Variants in MAP7 observed in about 807,000 individuals in gnomAD.
MAP7 encodes the protein microtubule associated protein 7.
In MAP7, 52 loss-of-function variants were observed where a neutral mutation model predicts 94.8. That is an observed-to-expected ratio of 0.55 (90% confidence interval 0.44 to 0.69). The LOEUF is 0.69. MAP7 is among the 30% of genes least tolerant of loss of function. The pLI, the probability that MAP7 is intolerant of heterozygous loss-of-function variation, is 0.00. For missense variants in MAP7, 940 were observed against 964.6 expected (o/e 0.97, Z 0.34); for synonymous variants, 350 against 357.0 (o/e 0.98, Z 0.22).
intron 1 of MAP7, among the ~76,000 whole-genome samples, chr6:136,426,279 T>C (rs192793120): frequency 5.5e-4 from 84 of 152,284 alleles, no homozygotes; most frequent in African/African-American, 1.9e-3. Flanking sequence ...GCCTCAGAAA[T>C]GTTAAGTAAT....
At chr6:136,396,405 T>C (rs1782481966) in intron 3 of MAP7, among the ~76,000 whole-genome samples, 1 of 152,196 alleles carries the variant, frequency 6.6e-6, no homozygotes, top group South Asian at 2.1e-4. Context: ...GTTAATTTTG[T>C]ACCTTGCAAT....
intron 1 of MAP7, among the ~76,000 whole-genome samples, chr6:136,483,129 CAAA>C (rs57320038): frequency 3.6e-5 from 3 of 83,130 alleles, no homozygotes; most frequent in African/African-American, 3.7e-5. Context: ...AAGTATCTTT[CAAA>C]AAAAAAAAAA....
intron 8 of MAP7, 96 bp downstream of exon 8, chr6:136,372,405 C>G (rs1434185460): frequency 7.0e-7 from 1 of 1,427,354 alleles, no homozygotes; most frequent in African/African-American, 1.4e-5. Context: ...CGGTCTCCCC[C>G]TCTTACGCCC....
At chr6:136,492,319 A>G (rs1178395609) in intron 1 of MAP7, among the ~76,000 whole-genome samples, 1 of 152,250 alleles carries the variant, frequency 6.6e-6, no homozygotes, top group Non-Finnish European at 1.5e-5. Flanking sequence ...TAAGCCGGGA[A>G]GTACACCTAG....
rs562463253 is a variant in MAP7 at position 136,457,045 on chromosome 6, T to C, written c.68-35246A>G. Reference sequence around the variant, plus strand: ...CAAAGTTTTTTTTTTAAAGACAAAATTGACAAACCTTTAGCTAAACTAAAA... The same window carrying C: ...CAAAGTTTTTTTTTTAAAGACAAAACTGACAAACCTTTAGCTAAACTAAAA... On this transcript the variant is annotated intron_variant, in intron 1 of 17. Coordinates refer to ENST00000354570, the MANE Select transcript of MAP7 (RefSeq NM_003980.6). 6.5e-4 allele frequency among the ~76,000 whole-genome samples: 91 copies of C among 139,728 alleles called. 1 individual carries two copies. The East Asian group carries it at 0.019, about 29-fold the overall frequency. 91.7% of individuals were successfully genotyped at this position (139,728 alleles called of 152,430 possible).
intron 15 of MAP7, among the ~76,000 whole-genome samples, chr6:136,358,205 T>C (rs533110403): frequency 1.2e-4 from 18 of 152,314 alleles, no homozygotes; most frequent in South Asian, 8.3e-4. Context: ...GATTGATTTA[T>C]AAAGAATACT....
intron 10 of MAP7, chr6:136,364,501 T>TA (rs1341185194): frequency 1.1e-4 from 26 of 243,128 alleles, no homozygotes; most frequent in South Asian, 2.8e-4. Context: ...GCTGAACTCT[T>TA]AAAAAAAATT....
At chr6:136,424,400 T>G (rs1435011571) in intron 1 of MAP7, among the ~76,000 whole-genome samples, 1 of 152,130 alleles carries the variant, frequency 6.6e-6, no homozygotes, top group Admixed American at 6.5e-5. Context: ...TTATGAAATC[T>G]TTATTGATTA....
chr6:136,473,751 A>G (rs1809871046), intron 1 of MAP7, among the ~76,000 whole-genome samples: 2 of 152,196 alleles, frequency 1.3e-5, no homozygotes, highest in South Asian at 2.1e-4. Context: ...ATCTTTGGTT[A>G]CGAACATTTA....
At chr6:136,512,998 G>GGTTTTGTTTT (rs111786683) in intron 1 of MAP7, among the ~76,000 whole-genome samples, 7,928 of 151,320 alleles carry the variant, frequency 0.052, 526 homozygotes, top group African/African-American at 0.14. Flanking sequence ...CACCAAGCTA[G>GGTTTTGTTTT]GTTTTGTTTT....
intron 7 of MAP7, among the ~76,000 whole-genome samples, chr6:136,375,569 T>C (rs1451113844): frequency 2.0e-5 from 3 of 151,964 alleles, no homozygotes; most frequent in Non-Finnish European, 2.9e-5. Context: ...AGATGAAAAA[T>C]AAAAATGATG....
chr6:136,525,786 CAA>C, intron 1 of MAP7: 1 of 1,515,230 alleles, frequency 6.6e-7, no homozygotes. Flanking sequence ...GTGTGGGAGA[CAA>C]GGGCTGGATC....
intron 2 of MAP7, among the ~76,000 whole-genome samples, chr6:136,414,252 C>CAAAAA (rs559869492): frequency 0.015 from 240 of 15,938 alleles, 64 homozygotes; most frequent in Non-Finnish European, 0.028. Context: ...GACTCCGTCT[C>CAAAAA]AAAAAAAAAA....
chr6:136,438,093 C>T (rs1796852086), intron 1 of MAP7, among the ~76,000 whole-genome samples: 1 of 152,108 alleles, frequency 6.6e-6, no homozygotes. Context: ...ACCAAAACAC[C>T]ACTGAAAACC....
chr6:136,447,929 C>T (rs1417003305), intron 1 of MAP7, among the ~76,000 whole-genome samples: 8 of 152,162 alleles, frequency 5.3e-5, no homozygotes, highest in Non-Finnish European at 1.0e-4. Flanking sequence ...CAGTGGCTCA[C>T]GCCTGTAATC....
At chr6:136,372,724 G>A in intron 7 of MAP7, 99 bp from the exon 8 acceptor site, 1 of 1,489,066 alleles carries the variant, frequency 6.7e-7, no homozygotes, top group Non-Finnish European at 9.3e-7. Context: ...GCAGGTTCAG[G>A]AAAAGGAGCA....
At chr6:136,398,572 T>G (rs1292710730) in intron 3 of MAP7, among the ~76,000 whole-genome samples, 1 of 152,138 alleles carries the variant, frequency 6.6e-6, no homozygotes, top group African/African-American at 2.4e-5. Context: ...GTTTCCCCCA[T>G]ATTGTTTTTG....
At chr6:136,445,615 G>A (rs1439400646) in intron 1 of MAP7, among the ~76,000 whole-genome samples, 1 of 152,084 alleles carries the variant, frequency 6.6e-6, no homozygotes. Context: ...TACCAACATA[G>A]GTAGAAGTGA....
At chr6:136,425,319 G>A (rs918864625) in intron 1 of MAP7, among the ~76,000 whole-genome samples, 1 of 152,110 alleles carries the variant, frequency 6.6e-6, no homozygotes, top group African/African-American at 2.4e-5. Flanking sequence ...CATGCTTCTC[G>A]GCTACAGTCT....
Sources: gnomAD v4.1 joint callset for allele counts (sites outside exome capture counted in the v4.1 genomes callset) on GRCh38, gnomAD v4.1.1 for gene constraint, MANE v1.5 for transcripts, NCBI Gene and HGNC (gene_info 2026-07-23, HGNC 2026-07-21) for gene names.